PARD3: variants seen among roughly 807,000 people sequenced by gnomAD.
PARD3 encodes partitioning defective 3 homolog.
PARD3 carries 75 observed loss-of-function variants against 155.4 expected under a neutral mutation model. The ratio of observed to expected loss-of-function variants is 0.48; its 90% CI spans 0.40 to 0.58. The LOEUF is 0.58. Ranked by LOEUF, PARD3 falls within the 20% of genes least tolerant of loss-of-function variation. The pLI is 0.00. For synonymous variants in PARD3, 576 were observed against 610.5 expected, an observed-to-expected ratio of 0.94 and a Z score of 0.83; for missense variants, 1,642 against 1,721.7, an observed-to-expected ratio of 0.95 and a Z score of 0.82.
intron 19 of PARD3, among the ~76,000 whole-genome samples, chr10:34,330,732 C>G (rs1159065344): frequency 6.6e-6 from 1 of 152,080 alleles, no homozygotes; most frequent in Non-Finnish European, 1.5e-5. Context: ...TAAAAACAAG[C>G]AACTTCGTGT....
chr10:34,256,126 G>C (rs1445302287), intron 22 of PARD3, among the ~76,000 whole-genome samples: 3 of 152,212 alleles, frequency 2.0e-5, no homozygotes, highest in African/African-American at 7.2e-5. Context: ...TTAAAGTTCG[G>C]AATATCATAT....
Position 34,284,133 on chromosome 10 carries a change from A to AC in PARD3, c.3176+1dup. 6.5e-7 allele frequency: 1 copy of AC among 1,541,356 alleles called. No individual in the cohort carries two copies. Among genetic ancestry groups the AC allele is most frequent in the Non-Finnish European group, 8.9e-7 (1 of 1,123,406 alleles). On this transcript the variant is annotated splice_donor_variant, in intron 21 of 24. Coordinates refer to ENST00000374788, the MANE Select transcript of PARD3 (RefSeq NM_001184785.2). LOFTEE classifies it high-confidence loss of function. ...AGGTTTAATCAAGTAACTGAAGTCTACCTCTCCTGCTCCTGCTTCATTCGT... is the reference window on the plus strand; with the variant it reads ...AGGTTTAATCAAGTAACTGAAGTCTACCCTCTCCTGCTCCTGCTTCATTCGT...
intron 21 of PARD3, 51 bp downstream of exon 21, chr10:34,284,084 A>G (rs755408739): frequency 2.9e-6 from 3 of 1,039,976 alleles, no homozygotes; most frequent in South Asian, 2.9e-5. Flanking sequence ...TAGAAAGAAA[A>G]AAAAAAAGAA....
chr10:34,358,926 T>C (rs548779921), intron 14 of PARD3, among the ~76,000 whole-genome samples: 16 of 152,262 alleles, frequency 1.1e-4, no homozygotes, highest in Admixed American at 2.6e-4. Flanking sequence ...TCCTGCTGAG[T>C]TGGCAATAGG....
chr10:34,486,841 T>C (rs2079508234), intron 3 of PARD3, among the ~76,000 whole-genome samples: 1 of 151,958 alleles, frequency 6.6e-6, no homozygotes, highest in African/African-American at 2.4e-5. Context: ...AATTGCTATA[T>C]ATAAAATAAA....
At chr10:34,480,414 T>A in intron 3 of PARD3, among the ~76,000 whole-genome samples, 1 of 152,188 alleles carries the variant, frequency 6.6e-6, no homozygotes, top group East Asian at 1.9e-4. Flanking sequence ...AATTTTTTAT[T>A]TTTTGTAAAA....
In PARD3 at chr10:34,224,250, T is replaced by C. The variant is rs190808986; in HGVS notation, c.3419+45407A>G. Among the ~76,000 whole-genome samples, 52 of 152,338 alleles carry C rather than the reference T, an allele frequency of 3.4e-4. 1 individual carries two copies. The highest frequency in any genetic ancestry group is 6.5e-4 in the Admixed American group (10 of 15,304). On this transcript the variant is annotated intron_variant, in intron 22 of 24. Coordinates refer to ENST00000374788, the MANE Select transcript of PARD3 (RefSeq NM_001184785.2). ...ATATCTGAATACATTGCTCAATGAA[T>C]CCTGCTTAAGTTGACAATATGGAAA...
intron 20 of PARD3, among the ~76,000 whole-genome samples, chr10:34,310,940 A>G (rs183504477): frequency 9.8e-4 from 149 of 152,376 alleles, no homozygotes; most frequent in African/African-American, 3.3e-3. Context: ...CATTTGGAGA[A>G]GCATTGTTTT....
At chr10:34,142,775 T>C (rs1486488676) in intron 22 of PARD3, among the ~76,000 whole-genome samples, 1 of 152,178 alleles carries the variant, frequency 6.6e-6, no homozygotes, top group Admixed American at 6.5e-5. Flanking sequence ...TCTTGAATTC[T>C]CTAACAAATG....
At chr10:34,386,950 T>C (rs540895763) in intron 7 of PARD3, among the ~76,000 whole-genome samples, 2 of 152,266 alleles carry the variant, frequency 1.3e-5, no homozygotes, top group South Asian at 4.1e-4. Context: ...ACCACTTCAG[T>C]TTCAAAGAAC....
At chr10:34,148,419 C>G (rs1948623528) in intron 22 of PARD3, among the ~76,000 whole-genome samples, 1 of 152,144 alleles carries the variant, frequency 6.6e-6, no homozygotes, top group African/African-American at 2.4e-5. Context: ...ATTTTGATAT[C>G]ATAATAGTGT....
chr10:34,377,911 C>T, intron 10 of PARD3, 56 bp downstream of exon 10: 1 of 1,372,482 alleles, frequency 7.3e-7, no homozygotes, highest in Non-Finnish European at 9.7e-7. Flanking sequence ...AAAGTTGGCT[C>T]CTGGAAATGG....
intron 22 of PARD3, among the ~76,000 whole-genome samples, chr10:34,234,691 G>C (rs1350829939): frequency 2.6e-5 from 4 of 151,882 alleles, no homozygotes; most frequent in Non-Finnish European, 5.9e-5. Context: ...TTATTTTTTA[G>C]TTAACTCCCA....
intron 1 of PARD3, among the ~76,000 whole-genome samples, chr10:34,806,796 T>C (rs917826446): frequency 1.1e-4 from 17 of 152,178 alleles, no homozygotes; most frequent in Non-Finnish European, 2.4e-4. Context: ...GAAAAGCCAC[T>C]GCACATCACT....
Position 34,372,497 on chromosome 10 carries a change from C to A in PARD3, c.1707+1G>T, listed in dbSNP as rs765828825. ...CATCCTTCAAAAGACAAAGCTCTTACCGTTTCTTTTGGAATCTGCATCTGG... is the reference window on the plus strand; with the variant it reads ...CATCCTTCAAAAGACAAAGCTCTTAACGTTTCTTTTGGAATCTGCATCTGG... On this transcript the variant is annotated splice_donor_variant, in intron 12 of 24. Coordinates refer to ENST00000374788, the MANE Select transcript of PARD3 (RefSeq NM_001184785.2). LOFTEE classifies it high-confidence loss of function. The A allele has an allele frequency of 1.3e-5, 21 of 1,607,162 alleles. No homozygotes were observed. The highest frequency in any genetic ancestry group is 1.7e-5 in the Non-Finnish European group (20 of 1,174,080).
At chr10:34,113,878 T>C (rs1466376236) in intron 24 of PARD3, among the ~76,000 whole-genome samples, 2 of 152,152 alleles carry the variant, frequency 1.3e-5, no homozygotes, top group African/African-American at 2.4e-5. Context: ...GTAAAGTGCT[T>C]AGAAAAGTGA....
At chr10:34,746,211 A>G (rs1413151527) in intron 1 of PARD3, among the ~76,000 whole-genome samples, 1 of 152,036 alleles carries the variant, frequency 6.6e-6, no homozygotes, top group Non-Finnish European at 1.5e-5. Context: ...CTGTAATCTC[A>G]GCAGGAGGAT....
chr10:34,355,696 A>G (rs1373722503), intron 14 of PARD3, among the ~76,000 whole-genome samples: 1 of 152,074 alleles, frequency 6.6e-6, no homozygotes, highest in Non-Finnish European at 1.5e-5. Flanking sequence ...TGGGAGGCCA[A>G]TGTGGGCAGA....
intron 24 of PARD3, among the ~76,000 whole-genome samples, chr10:34,112,504 A>G (rs1052847642): frequency 1.3e-5 from 2 of 152,206 alleles, no homozygotes; most frequent in Non-Finnish European, 2.9e-5. Context: ...ACATGCCCTA[A>G]TTTTTTTGCC....
Sources: allele counts gnomAD v4.1 joint callset (sites outside exome capture counted in the v4.1 genomes callset), GRCh38; gene constraint gnomAD v4.1.1; transcripts MANE v1.5; gene names NCBI Gene and HGNC (gene_info 2026-07-23, HGNC 2026-07-21).